EZR: variants seen among roughly 807,000 people sequenced by gnomAD.
The protein encoded by EZR is ezrin.
EZR carries 40 observed loss-of-function variants against 74.8 expected under a neutral mutation model. That is an observed-to-expected ratio of 0.53 (90% confidence interval 0.42 to 0.70). The LOEUF (loss-of-function observed/expected upper bound fraction) is 0.70, where lower values mean the gene tolerates loss of function less well. Among genes scored for constraint, EZR ranks in the 30% least tolerant of loss-of-function variants. The probability of loss-of-function intolerance (pLI) is 0.00; values close to 1 mark genes in which losing one functional copy is unlikely to be tolerated. For synonymous variants in EZR, 341 were observed against 283.3 expected, an observed-to-expected ratio of 1.20 and a Z score of -2.05; for missense variants, 678 against 755.8, an observed-to-expected ratio of 0.90 and a Z score of 1.21.
intron 8 of EZR, among the ~76,000 whole-genome samples, chr6:158,776,075 T>C (rs1013436076): frequency 6.6e-6 from 1 of 152,244 alleles, no homozygotes. Context: ...CAGGTCCCAC[T>C]GTCCGTCAGG....
intron 2 of EZR, among the ~76,000 whole-genome samples, chr6:158,811,829 T>C (rs571246585): frequency 1.4e-3 from 210 of 150,652 alleles, no homozygotes; most frequent in African/African-American, 4.9e-3. Flanking sequence ...GAGCTGTGAC[T>C]GTGCCACTGC....
At chr6:158,771,430 C>A (rs1028798272) in intron 8 of EZR, 23 bp from the exon 9 acceptor site, 2 of 1,562,380 alleles carry the variant, frequency 1.3e-6, no homozygotes, top group East Asian at 2.3e-5. Context: ...ACAGGGCCAC[C>A]TGGACTCAAG....
In EZR at chr6:158,792,401, A is replaced by G. The variant is rs532536148; in HGVS notation, c.13-3030T>C. ...TAAATTTTGTAATTTTAGTAGAGAC[A>G]GGGTTTCACCATGTTGGCCAGGCTG... On this transcript the variant is annotated intron_variant, in intron 2 of 13. Transcript: ENST00000367075. Among the ~76,000 whole-genome samples, 57 of 152,294 alleles carry G rather than the reference A, an allele frequency of 3.7e-4. No homozygotes were observed. In the East Asian group the frequency reaches 9.9e-3, roughly 26 times the overall value.
intron 2 of EZR, among the ~76,000 whole-genome samples, chr6:158,799,337 G>T (rs1049826109): frequency 6.6e-6 from 1 of 152,218 alleles, no homozygotes; most frequent in African/African-American, 2.4e-5. Context: ...CCAAGGTCAC[G>T]CTATGACCAA....
chr6:158,772,814 T>C (rs971746978), intron 8 of EZR, among the ~76,000 whole-genome samples: 2 of 152,164 alleles, frequency 1.3e-5, no homozygotes, highest in African/African-American at 4.8e-5. Context: ...AACAGTGCGA[T>C]ATATCCCACA....
chr6:158,803,590 T>C (rs1167234928), intron 2 of EZR, among the ~76,000 whole-genome samples: 1 of 13,524 alleles, frequency 7.4e-5, no homozygotes, highest in Admixed American at 7.5e-4. Flanking sequence ...TACATATATA[T>C]ATATATATAT....
Position 158,766,956 on chromosome 6 carries a change from C to G in EZR, c.1719G>C (p.Gln573His). Reference sequence around the variant, plus strand: ...CGTCGATGCGCTGCTTGGTGTTGCCCTGCCGGATCTGCCGCAGCGTCTTGT... The same window carrying G: ...CGTCGATGCGCTGCTTGGTGTTGCCGTGCCGGATCTGCCGCAGCGTCTTGT... Reference protein sequence around the residue: ...DKYKTLRQIRQGNTKQRIDEF... With the variant: ...DKYKTLRQIRHGNTKQRIDEF... The change falls in exon 14 of 14, where the codon CAG becomes CAC. Residue 573 changes from glutamine (Q) to histidine (H), a missense_variant. Gln to His is a conservative substitution (Grantham distance 24). This residue lies in a region of EZR where 342 missense variants were observed against 341.2 expected (regional missense o/e 1.00). Coordinates refer to ENST00000367075, the MANE Select transcript of EZR (RefSeq NM_001111077.2). 1 of 1,614,208 alleles carries G rather than the reference C, an allele frequency of 6.2e-7. No individual in the cohort carries two copies. Among genetic ancestry groups the G allele is most frequent in the Non-Finnish European group, 8.5e-7 (1 of 1,180,024 alleles).
At chr6:158,783,786 C>T (rs1562495880) in intron 6 of EZR, 120 bp from the exon 7 acceptor site, 2 of 1,113,892 alleles carry the variant, frequency 1.8e-6, no homozygotes, top group Non-Finnish European at 2.6e-6. Context: ...ATGCTGTGTG[C>T]TGCGTGCAGG....
At chr6:158,803,272 G>C (rs1037798990) in intron 2 of EZR, among the ~76,000 whole-genome samples, 4 of 151,424 alleles carry the variant, frequency 2.6e-5, no homozygotes, top group Non-Finnish European at 5.9e-5. Flanking sequence ...AATCAGAATA[G>C]TGATGAAGTA....
intron 12 of EZR, among the ~76,000 whole-genome samples, chr6:158,768,190 A>C (rs1472413482): frequency 6.6e-6 from 1 of 151,568 alleles, no homozygotes; most frequent in Non-Finnish European, 1.5e-5. Context: ...GTGGGTTCTG[A>C]GCAAGAGCTG....
chr6:158,767,102 C>G (rs1790903447), intron 13 of EZR, 24 bp from the exon 14 acceptor site: 2 of 1,613,248 alleles, frequency 1.2e-6, no homozygotes, highest in African/African-American at 1.3e-5. Context: ...CAGCATTGGT[C>G]TAGTCCCTTC....
chr6:158,812,793 A>C (rs1777476498), intron 2 of EZR, among the ~76,000 whole-genome samples: 1 of 152,060 alleles, frequency 6.6e-6, no homozygotes, highest in Non-Finnish European at 1.5e-5. Context: ...TGGCACCACC[A>C]CACATCCACT....
chr6:158,800,248 T>C (rs1460238055), intron 2 of EZR, among the ~76,000 whole-genome samples: 2 of 152,166 alleles, frequency 1.3e-5, no homozygotes, highest in Non-Finnish European at 2.9e-5. Flanking sequence ...TCTATATATA[T>C]CATCAATTTA....
intron 2 of EZR, among the ~76,000 whole-genome samples, chr6:158,810,966 A>G (rs1777440097): frequency 6.6e-6 from 1 of 152,234 alleles, no homozygotes; most frequent in Admixed American, 6.5e-5. Context: ...ACAGGTAAGC[A>G]GTAAATTAGC....
At chr6:158,807,327 A>C (rs61652723) in intron 2 of EZR, among the ~76,000 whole-genome samples, 1 of 137,732 alleles carries the variant, frequency 7.3e-6, no homozygotes, top group Non-Finnish European at 1.6e-5. Flanking sequence ...AAAAAAAAAA[A>C]AAAAACAAAC....
intron 1 of EZR, among the ~76,000 whole-genome samples, chr6:158,819,022 G>T (rs1465044996): frequency 1.3e-5 from 2 of 152,138 alleles, no homozygotes; most frequent in Non-Finnish European, 2.9e-5. Flanking sequence ...AAGCCTTTGA[G>T]AAACTCTTTC....
At chr6:158,804,352 C>T (rs1008417374) in intron 2 of EZR, among the ~76,000 whole-genome samples, 3 of 152,202 alleles carry the variant, frequency 2.0e-5, no homozygotes, top group Non-Finnish European at 4.4e-5. Context: ...CAATCTACAT[C>T]CTTCTCATCT....
At chr6:158,768,415 C>G (rs547320141) in intron 12 of EZR, among the ~76,000 whole-genome samples, 1 of 152,068 alleles carries the variant, frequency 6.6e-6, no homozygotes. Flanking sequence ...TAATACAGAT[C>G]GGCAGCGGGA....
chr6:158,818,038 T>C (rs376323735), intron 2 of EZR, 44 bp downstream of exon 2: 3 of 1,601,036 alleles, frequency 1.9e-6, no homozygotes, highest in Admixed American at 1.7e-5. Flanking sequence ...CCCTCTCCAA[T>C]GAAGCCTCTC....
Sources: allele counts gnomAD v4.1 joint callset (sites outside exome capture counted in the v4.1 genomes callset), GRCh38; gene constraint gnomAD v4.1.1; regional missense constraint gnomAD v4.1.1; transcripts MANE v1.5; gene names NCBI Gene and HGNC (gene_info 2026-07-23, HGNC 2026-07-21).